Variants in CACNA2D1 observed in about 807,000 individuals in gnomAD.
CACNA2D1 encodes the protein calcium voltage-gated channel auxiliary subunit alpha2delta 1, also known as voltage-dependent calcium channel subunit alpha-2/delta-1.
CACNA2D1 carries 53 observed loss-of-function variants against 171.5 expected under a neutral mutation model. The observed-to-expected ratio is 0.31, with a 90% CI of 0.25 to 0.39. The LOEUF (loss-of-function observed/expected upper bound fraction) is 0.39. Among genes scored for constraint, CACNA2D1 ranks in the 10% least tolerant of loss-of-function variants. The pLI, the probability that CACNA2D1 is intolerant of heterozygous loss-of-function variation, is 1.00. For missense variants in CACNA2D1, 903 were observed against 1,299.8 expected, an observed-to-expected ratio of 0.69 and a Z score of 4.69; for synonymous variants, 442 against 443.1, an observed-to-expected ratio of 1.00 and a Z score of 0.03.
chr7:82,147,678 A>T lies in CACNA2D1; in HGVS notation c.355-11002T>A, dbSNP rs537240434. ...AGCAAGAGAGCTGTTAATTTGTCCA[A>T]TGGTAATATTAGCCCTTCCTCTCCA... On this transcript the variant is annotated intron_variant, in intron 4 of 38. Coordinates refer to ENST00000356860, the MANE Select transcript of CACNA2D1 (RefSeq NM_000722.4). Among the ~76,000 whole-genome samples the T allele has an allele frequency of 2.0e-5, 3 of 152,276 alleles. No homozygotes were observed. The South Asian group carries it at 6.2e-4, about 32-fold the overall frequency.
At chr7:82,398,755 T>A (rs936907103) in intron 1 of CACNA2D1, among the ~76,000 whole-genome samples, 12 of 151,944 alleles carry the variant, frequency 7.9e-5, no homozygotes, top group African/African-American at 2.9e-4. Context: ...TTTTAAAATT[T>A]TTTGTAGAGA....
intron 18 of CACNA2D1, 190 bp downstream of exon 18, chr7:82,005,233 A>G (rs1798998079): frequency 3.6e-6 from 2 of 551,442 alleles, no homozygotes; most frequent in Admixed American, 3.3e-5. Context: ...TGGTAACAGA[A>G]AATGAAAACT....
intron 38 of CACNA2D1, among the ~76,000 whole-genome samples, chr7:81,952,901 T>A (rs1792774626): frequency 6.6e-6 from 1 of 152,086 alleles, no homozygotes; most frequent in African/African-American, 2.4e-5. Context: ...CAAACTTGAC[T>A]TGCCTTGCCC....
chr7:82,290,358 AT>A (rs1201516867), intron 3 of CACNA2D1, among the ~76,000 whole-genome samples: 1 of 152,160 alleles, frequency 6.6e-6, no homozygotes, highest in Non-Finnish European at 1.5e-5. Context: ...AAACAGGTAC[AT>A]CTTTCAGCAG....
intron 1 of CACNA2D1, among the ~76,000 whole-genome samples, chr7:82,374,728 A>T (rs559872133): frequency 6.6e-6 from 1 of 152,240 alleles, no homozygotes; most frequent in African/African-American, 2.4e-5. Flanking sequence ...TGGTAAAAAC[A>T]AAGCACATAC....
chr7:81,959,148 A>G, intron 38 of CACNA2D1, 127 bp downstream of exon 38: 2 of 720,834 alleles, frequency 2.8e-6, no homozygotes, highest in Non-Finnish European at 5.0e-6. Flanking sequence ...CAAGTATGTC[A>G]TGTTAATGAG....
At chr7:82,177,722 A>T (rs1161410954) in intron 3 of CACNA2D1, among the ~76,000 whole-genome samples, 1 of 152,136 alleles carries the variant, frequency 6.6e-6, no homozygotes, top group Non-Finnish European at 1.5e-5. Context: ...AGAGACCATC[A>T]ATCTTTCTTC....
chr7:82,431,229 T>C (rs1829645243), intron 1 of CACNA2D1, among the ~76,000 whole-genome samples: 1 of 152,182 alleles, frequency 6.6e-6, no homozygotes, highest in Non-Finnish European at 1.5e-5. Context: ...TTTAAGTTTT[T>C]CTCATGGCCC....
At chr7:81,990,994 G>T (rs1165699088) in intron 21 of CACNA2D1, among the ~76,000 whole-genome samples, 191 bp downstream of exon 21, 11 of 151,900 alleles carry the variant, frequency 7.2e-5, no homozygotes, top group African/African-American at 2.4e-4. Flanking sequence ...TATCACATAG[G>T]TTTTCATTTC....
chr7:82,144,032 A>G (rs1340864355), intron 4 of CACNA2D1, among the ~76,000 whole-genome samples: 1 of 152,156 alleles, frequency 6.6e-6, no homozygotes, highest in Non-Finnish European at 1.5e-5. Flanking sequence ...CAAATTAACA[A>G]GTACCTAAAT....
intron 10 of CACNA2D1, among the ~76,000 whole-genome samples, chr7:82,046,592 G>T (rs186051304): frequency 6.6e-5 from 10 of 152,218 alleles, no homozygotes; most frequent in African/African-American, 2.4e-4. Context: ...GAAATAAAGG[G>T]TTTTTCTAGA....
intron 3 of CACNA2D1, among the ~76,000 whole-genome samples, chr7:82,326,590 T>C (rs2129442347): frequency 6.6e-6 from 1 of 152,270 alleles, no homozygotes; most frequent in Non-Finnish European, 1.5e-5. Context: ...ACTGATTAAT[T>C]TGCCCCTTAC....
chr7:82,329,970 A>G (rs1044866564), intron 3 of CACNA2D1, among the ~76,000 whole-genome samples: 10 of 152,212 alleles, frequency 6.6e-5, no homozygotes, highest in African/African-American at 2.2e-4. Flanking sequence ...AGAATGTATA[A>G]ATGTTTAATG....
chr7:82,030,988 C>T (rs192449782), intron 12 of CACNA2D1, among the ~76,000 whole-genome samples: 403 of 152,076 alleles, frequency 2.6e-3, no homozygotes, highest in Non-Finnish European at 4.6e-3. Context: ...CCTGTAACAG[C>T]ACTCATGCTT....
intron 1 of CACNA2D1, among the ~76,000 whole-genome samples, chr7:82,388,731 A>T (rs1824727831): frequency 6.6e-6 from 1 of 152,230 alleles, no homozygotes; most frequent in South Asian, 2.1e-4. Flanking sequence ...TTACTGTAAC[A>T]GCAGTATGTT....
intron 3 of CACNA2D1, among the ~76,000 whole-genome samples, chr7:82,229,677 C>CT (rs1230208544): frequency 2.3e-5 from 2 of 88,386 alleles, no homozygotes; most frequent in African/African-American, 3.7e-5. Context: ...TTCTGGTTTA[C>CT]TTTTTTTATT....
intron 19 of CACNA2D1, among the ~76,000 whole-genome samples, chr7:81,996,841 CT>C (rs996989554): frequency 1.3e-5 from 2 of 151,484 alleles, no homozygotes; most frequent in East Asian, 1.9e-4. Flanking sequence ...TTCCTTCCAA[CT>C]TTTTTTTCAA....
In CACNA2D1 at chr7:82,232,721, G is replaced by A. The variant is rs186568651; in HGVS notation, c.295-62112C>T. On this transcript the variant is annotated intron_variant, in intron 3 of 38. Coordinates refer to ENST00000356860, the MANE Select transcript of CACNA2D1 (RefSeq NM_000722.4). ...TCTACTAAAAATACAAAAATTAGCC[G>A]GGCATGGTGGCAGATGCCTACAGTC... 7.9e-3 allele frequency among the ~76,000 whole-genome samples: 1,191 copies of A among 151,688 alleles called. 5 individuals are homozygous for A. The highest frequency in any genetic ancestry group is 0.012 in the Non-Finnish European group (817 of 67,914).
intron 38 of CACNA2D1, among the ~76,000 whole-genome samples, chr7:81,953,502 C>T (rs1792842465): frequency 6.6e-6 from 1 of 151,790 alleles, no homozygotes; most frequent in South Asian, 2.1e-4. Context: ...GCTTTTCTCT[C>T]CAGGTAGGGT....
Sources: allele counts gnomAD v4.1 joint callset (sites outside exome capture counted in the v4.1 genomes callset), GRCh38; gene constraint gnomAD v4.1.1; transcripts MANE v1.5; gene names NCBI Gene and HGNC (gene_info 2026-07-23, HGNC 2026-07-21).